Variants in RHBDL3 observed in about 807,000 individuals in gnomAD.
RHBDL3 encodes rhomboid-related protein 3.
In RHBDL3, 28 loss-of-function variants were observed where a neutral mutation model predicts 48.2. The observed-to-expected ratio is 0.58, with a 90% CI of 0.43 to 0.80. The LOEUF (loss-of-function observed/expected upper bound fraction) is 0.80, where lower values mean the gene tolerates loss of function less well. RHBDL3 is among the 30% of genes least tolerant of loss of function. The pLI, the probability that RHBDL3 is intolerant of heterozygous loss-of-function variation, is 0.00. For synonymous variants in RHBDL3, 208 were observed against 232.3 expected (o/e 0.90, Z 0.95); for missense variants, 464 against 542.7 (o/e 0.85, Z 1.44).
intron 1 of RHBDL3, among the ~76,000 whole-genome samples, chr17:32,267,345 C>G (rs71377423): frequency 6.6e-6 from 1 of 150,950 alleles, no homozygotes; most frequent in Admixed American, 6.6e-5. Flanking sequence ...CACCACCCCC[C>G]CTTCCCCGCA....
At chr17:32,283,096 TC>T (rs2040097793) in intron 2 of RHBDL3, among the ~76,000 whole-genome samples, 1 of 152,062 alleles carries the variant, frequency 6.6e-6, no homozygotes, top group East Asian at 1.9e-4. Context: ...CACACATACA[TC>T]CTCAATGTCT....
In RHBDL3 at chr17:32,323,497, C is replaced by T. The variant is rs1384395419; in HGVS notation, c.*2268C>T. The T allele has an allele frequency of 6.6e-6, 1 of 152,464 alleles. No individual in the cohort carries two copies. Among genetic ancestry groups the T allele is most frequent in the Non-Finnish European group, 1.5e-5 (1 of 68,286 alleles). 9.4% of individuals were successfully genotyped at this position (152,464 alleles called of 1,614,324 possible). A position where few individuals can be genotyped will look rare whatever the true frequency, so the allele number is the denominator to read the frequency against. ...AATCCCCTCCAGATTCCTGTCCTGG[C>T]CCCTGGGGATTCTGTGGTGTGGGTG... is the stretch of plus-strand genomic sequence containing the variant. On this transcript the variant is annotated 3_prime_UTR_variant, in exon 9 of 9. Transcript: ENST00000269051.
chr17:32,274,171 T>C (rs1452454275), intron 2 of RHBDL3, among the ~76,000 whole-genome samples: 1 of 152,224 alleles, frequency 6.6e-6, no homozygotes, highest in Non-Finnish European at 1.5e-5. Context: ...GAGAAGGTTT[T>C]GGACAAAGGC....
At position 32,266,249 on chromosome 17, in the gene RHBDL3, C is replaced by G. The variant is rs1222414569; in HGVS notation, c.60C>G (p.Ile20Met). 3.4e-6 allele frequency: 5 copies of G among 1,462,814 alleles called. No homozygotes were observed. The highest frequency in any genetic ancestry group is 1.5e-5 in the African/African-American group (1 of 67,966). The allele number at this position is 1,462,814 out of a possible 1,614,324, so 90.6% of individuals were successfully genotyped here. The change falls in exon 1 of 9, where the codon ATC (isoleucine) becomes ATG (methionine). Residue 20 changes from isoleucine (I) to methionine (M), a missense_variant. Transcript: ENST00000269051. ...CCGCCTGCGCCGAGGCGGAGCGCAT[C>G]GAGGAGCTGGAACCCGAGGCCGAGG... Reference protein sequence around the residue: ...AVAACAEAERIEELEPEAEER... With the variant: ...AVAACAEAERMEELEPEAEER...
At chr17:32,307,572 T>C (rs1369554767) in intron 7 of RHBDL3, among the ~76,000 whole-genome samples, 1 of 152,124 alleles carries the variant, frequency 6.6e-6, no homozygotes, top group African/African-American at 2.4e-5. Flanking sequence ...AGACAGACAC[T>C]GAGTACCTGC....
chr17:32,290,146 A>C (rs1456440392), intron 4 of RHBDL3, among the ~76,000 whole-genome samples: 1 of 152,218 alleles, frequency 6.6e-6, no homozygotes, highest in Non-Finnish European at 1.5e-5. Flanking sequence ...GGCTCCTCAG[A>C]GAGCCCAGGA....
At chr17:32,317,491 G>A (rs548153833) in intron 8 of RHBDL3, among the ~76,000 whole-genome samples, 57 of 152,314 alleles carry the variant, frequency 3.7e-4, no homozygotes, top group Middle Eastern at 3.4e-3. Flanking sequence ...GTCATTCTGA[G>A]TGTTAGAGGC....
chr17:32,277,083 G>C (rs1053976467), intron 2 of RHBDL3, among the ~76,000 whole-genome samples: 10 of 152,204 alleles, frequency 6.6e-5, no homozygotes, highest in African/African-American at 2.4e-4. Flanking sequence ...ATCCGGGTGG[G>C]AACCTGCTCT....
At chr17:32,283,529 T>G (rs974079526) in intron 2 of RHBDL3, among the ~76,000 whole-genome samples, 1 of 151,428 alleles carries the variant, frequency 6.6e-6, no homozygotes, top group East Asian at 1.9e-4. Flanking sequence ...TTCACCGTGT[T>G]AGCCAGGATG....
chr17:32,296,678 C>T (rs1341085541), intron 5 of RHBDL3, among the ~76,000 whole-genome samples: 2 of 152,052 alleles, frequency 1.3e-5, no homozygotes, highest in South Asian at 2.1e-4. Context: ...TCTTATGAGA[C>T]TTTAAGGGAA....
chr17:32,267,692 T>C, intron 1 of RHBDL3: 1 of 1,086,504 alleles, frequency 9.2e-7, no homozygotes, highest in Admixed American at 4.7e-5. Context: ...ACTGTGAGTT[T>C]CCTCCCTCTG....
intron 4 of RHBDL3, among the ~76,000 whole-genome samples, chr17:32,291,723 T>G (rs1275810806): frequency 1.3e-5 from 2 of 151,102 alleles, no homozygotes; most frequent in African/African-American, 2.4e-5. Flanking sequence ...CTGGGGTTGC[T>G]GGAGAAACAA....
At chr17:32,291,298 A>T (rs2150719333) in intron 4 of RHBDL3, among the ~76,000 whole-genome samples, 1 of 151,584 alleles carries the variant, frequency 6.6e-6, no homozygotes, top group African/African-American at 2.4e-5. Flanking sequence ...GTGCCACTGC[A>T]CTCCAGCCTG....
intron 8 of RHBDL3, among the ~76,000 whole-genome samples, chr17:32,320,238 A>G (rs2041091098): frequency 6.6e-6 from 1 of 151,972 alleles, no homozygotes; most frequent in Admixed American, 6.6e-5. Flanking sequence ...GTGCCGCTGT[A>G]CTCCCGCCTA....
intron 4 of RHBDL3, among the ~76,000 whole-genome samples, chr17:32,292,531 T>C (rs1045747958): frequency 6.6e-6 from 1 of 151,938 alleles, no homozygotes; most frequent in African/African-American, 2.4e-5. Flanking sequence ...GTGTTTATAG[T>C]GGAGGGCTCA....
chr17:32,309,456 G>A (rs951698794), intron 7 of RHBDL3, among the ~76,000 whole-genome samples: 2 of 152,014 alleles, frequency 1.3e-5, no homozygotes, highest in African/African-American at 4.8e-5. Context: ...GGAGGCTGAG[G>A]CAGGAGAATT....
rs11348841 is a variant in RHBDL3 at position 32,310,883 on chromosome 17, C to CAAAA, written c.883-5332_883-5329dup. On this transcript the variant is annotated intron_variant, in intron 7 of 8. Transcript: ENST00000269051. ...TGGGCGACAGAGTCAGGCTCCATCT[C>CAAAA]AAAAAAAAAAAAAAAAAAAAGGTTT... Among the ~76,000 whole-genome samples the CAAAA allele has an allele frequency of 4.7e-4, 26 of 55,558 alleles. 3 individuals are homozygous for CAAAA. The highest frequency in any genetic ancestry group is 1.1e-3 in the African/African-American group (18 of 15,924). 36.4% of individuals were successfully genotyped at this position (55,558 alleles called of 152,430 possible). A position where few individuals can be genotyped will look rare whatever the true frequency, so the allele number is the denominator to read the frequency against.
intron 7 of RHBDL3, among the ~76,000 whole-genome samples, chr17:32,310,909 A>C (rs1567787865): frequency 2.7e-5 from 4 of 147,622 alleles, no homozygotes; most frequent in Admixed American, 6.7e-5. Flanking sequence ...AAAAAGGTTT[A>C]CTTTATTAAG....
At chr17:32,296,623 C>T (rs1261644495) in intron 5 of RHBDL3, among the ~76,000 whole-genome samples, 1 of 151,802 alleles carries the variant, frequency 6.6e-6, no homozygotes, top group African/African-American at 2.4e-5. Flanking sequence ...CTTGAGCCAC[C>T]GCACCTGGCC....
Sources: gnomAD v4.1 joint callset for allele counts (sites outside exome capture counted in the v4.1 genomes callset) on GRCh38, gnomAD v4.1.1 for gene constraint, MANE v1.5 for transcripts, NCBI Gene and HGNC (gene_info 2026-07-23, HGNC 2026-07-21) for gene names.